The following C1orf146 variants were observed in gnomAD, a reference collection of about 807,000 sequenced individuals.
C1orf146 encodes the protein protein SPO16 homolog.
A neutral mutation model predicts 23.0 loss-of-function variants in C1orf146; 22 were observed. That is an observed-to-expected ratio of 0.96 (90% CI 0.68 to 1.36). The LOEUF (loss-of-function observed/expected upper bound fraction) is 1.36. Ranked by LOEUF, C1orf146 falls within the 40% of genes most tolerant of loss-of-function variation. The pLI is 0.00. For synonymous variants in C1orf146, 59 were observed against 65.3 expected, an observed-to-expected ratio of 0.90 and a Z score of 0.47; for missense variants, 199 against 206.8, an observed-to-expected ratio of 0.96 and a Z score of 0.23.
At chr1:92,240,269 G>T (rs72958740) in intron 2 of C1orf146, among the ~76,000 whole-genome samples, 5,672 of 152,272 alleles carry the variant, frequency 0.037, 270 homozygotes, top group African/African-American at 0.11. Context: ...AGGGAAAAAA[G>T]TGGCCTAAAT....
At chr1:92,226,918 T>G (rs1029055694) in intron 1 of C1orf146, among the ~76,000 whole-genome samples, 2 of 152,194 alleles carry the variant, frequency 1.3e-5, no homozygotes, top group African/African-American at 4.8e-5. Context: ...TATTACCTTG[T>G]TGAGTTTTTT....
chr1:92,237,761 T>C (rs1052541781), intron 2 of C1orf146, among the ~76,000 whole-genome samples: 1 of 152,210 alleles, frequency 6.6e-6, no homozygotes, highest in Non-Finnish European at 1.5e-5. Flanking sequence ...ATTTGCCCAT[T>C]TTATAGAGGC....
chr1:92,220,950 T>C (rs1338850906), intron 1 of C1orf146, among the ~76,000 whole-genome samples: 1 of 152,238 alleles, frequency 6.6e-6, no homozygotes, highest in African/African-American at 2.4e-5. Context: ...TAGTAGATAA[T>C]GCCTGCCAAG....
intron 1 of C1orf146, chr1:92,229,223 G>A (rs1652044062): frequency 3.6e-6 from 2 of 551,542 alleles, no homozygotes; most frequent in Non-Finnish European, 7.3e-6. Flanking sequence ...TGATGTCTGG[G>A]TACATGGTGG....
intron 5 of C1orf146, among the ~76,000 whole-genome samples, chr1:92,245,237 GCA>G (rs1652567037): frequency 6.6e-6 from 1 of 152,118 alleles, no homozygotes; most frequent in Non-Finnish European, 1.5e-5. Context: ...TTTGTCCTCT[GCA>G]AAGTGTGCCC....
chr1:92,240,797 T>G (rs1218485194), intron 2 of C1orf146: 10 of 357,848 alleles, frequency 2.8e-5, no homozygotes. Flanking sequence ...GTGCTAGGAT[T>G]ACAGGTGTGA....
chr1:92,232,103 A>G (rs1652138113), intron 2 of C1orf146, among the ~76,000 whole-genome samples: 1 of 151,774 alleles, frequency 6.6e-6, no homozygotes, highest in African/African-American at 2.4e-5. Flanking sequence ...CATTTTCATA[A>G]ATTATATATA....
intron 1 of C1orf146, among the ~76,000 whole-genome samples, chr1:92,225,345 A>G (rs1651941494): frequency 6.6e-6 from 1 of 152,174 alleles, no homozygotes; most frequent in Non-Finnish European, 1.5e-5. Context: ...GGGCTCCAGC[A>G]GTACACTGGC....
intron 1 of C1orf146, among the ~76,000 whole-genome samples, chr1:92,226,439 CA>C (rs1204969065): frequency 6.6e-6 from 1 of 151,656 alleles, no homozygotes; most frequent in Non-Finnish European, 1.5e-5. Flanking sequence ...ACACTTGACC[CA>C]ATAATATAAT....
intron 2 of C1orf146, among the ~76,000 whole-genome samples, chr1:92,238,658 C>T (rs1456828334): frequency 6.6e-6 from 1 of 151,904 alleles, no homozygotes; most frequent in Non-Finnish European, 1.5e-5. Flanking sequence ...CCTCCTCCTC[C>T]TGATAAAAGG....
intron 2 of C1orf146, among the ~76,000 whole-genome samples, chr1:92,232,689 C>T (rs1652162970): frequency 6.6e-6 from 1 of 151,430 alleles, no homozygotes; most frequent in Non-Finnish European, 1.5e-5. Context: ...ACCACACTGT[C>T]TTCCACAATG....
intron 1 of C1orf146, among the ~76,000 whole-genome samples, chr1:92,219,190 T>C (rs2100722251): frequency 6.6e-6 from 1 of 152,276 alleles, no homozygotes; most frequent in South Asian, 2.1e-4. Flanking sequence ...AGTAAGTATG[T>C]GTAGGGGGGG....
At chr1:92,244,477 A>G in intron 4 of C1orf146, 92 bp downstream of exon 4, 2 of 956,982 alleles carry the variant, frequency 2.1e-6, no homozygotes, top group Non-Finnish European at 3.1e-6. Context: ...TTGCTAGATG[A>G]TGAACACTGT....
chr1:92,224,615 G>A (rs1230899297), intron 1 of C1orf146, among the ~76,000 whole-genome samples: 5 of 152,080 alleles, frequency 3.3e-5, no homozygotes, highest in East Asian at 3.8e-4. Flanking sequence ...ACCGTTTATC[G>A]TAAAGACAGT....
chr1:92,238,933 G>A (rs1652363769), intron 2 of C1orf146, among the ~76,000 whole-genome samples: 1 of 151,790 alleles, frequency 6.6e-6, no homozygotes, highest in African/African-American at 2.4e-5. Context: ...TATATTTTTT[G>A]TTTATTTTTT....
At chr1:92,231,309 GT>G in intron 1 of C1orf146, 72 bp from the exon 2 acceptor site, 1 of 709,868 alleles carries the variant, frequency 1.4e-6, no homozygotes, top group South Asian at 2.1e-5. Flanking sequence ...CAATACCCTA[GT>G]TTTATTTCCA....
At chr1:92,243,495 T>C (rs1420643266) in intron 3 of C1orf146, among the ~76,000 whole-genome samples, 5 of 152,072 alleles carry the variant, frequency 3.3e-5, no homozygotes, top group African/African-American at 4.8e-5. Context: ...TACAGGCACA[T>C]ACCACCACAC....
Position 92,245,661 on chromosome 1 carries a change from T to C in C1orf146, c.530T>C (p.Val177Ala). 6.4e-7 allele frequency: 1 copy of C among 1,572,100 alleles called. No individual in the cohort carries two copies. Among genetic ancestry groups the C allele is most frequent in the Non-Finnish European group, 8.6e-7 (1 of 1,165,346 alleles). The change falls in exon 6 of 6, where the codon GTT becomes GCT. Residue 177 changes from valine (V) to alanine (A), a missense_variant. Coordinates refer to ENST00000370375, the MANE Select transcript of C1orf146 (RefSeq NM_001012425.2). ...AAGATAAAACTGAATAGTGATTCAGTTAACCCAAATTAGAGTACCAACTTA... is the reference window on the plus strand; with the variant it reads ...AAGATAAAACTGAATAGTGATTCAGCTAACCCAAATTAGAGTACCAACTTA... Reference protein sequence around the residue: ...LQKIKLNSDSVNPN With the variant: ...LQKIKLNSDSANPN
At chr1:92,235,044 TC>T (rs1439023357) in intron 2 of C1orf146, among the ~76,000 whole-genome samples, 54 of 152,330 alleles carry the variant, frequency 3.5e-4, no homozygotes, top group African/African-American at 1.3e-3. Context: ...ATTTTGTTGA[TC>T]CTTTCAAAAA....
Sources: gnomAD v4.1 joint callset for allele counts (sites outside exome capture counted in the v4.1 genomes callset) on GRCh38, gnomAD v4.1.1 for gene constraint, MANE v1.5 for transcripts, NCBI Gene and HGNC (gene_info 2026-07-23, HGNC 2026-07-21) for gene names.